The following TTC17 variants were observed in gnomAD, a reference collection of about 807,000 sequenced individuals.
TTC17 encodes tetratricopeptide repeat domain 17.
In TTC17, 58 loss-of-function variants were observed where a neutral mutation model predicts 143.8. The ratio of observed to expected loss-of-function variants is 0.40; its 90% CI spans 0.33 to 0.50. TTC17 has a LOEUF of 0.50. TTC17 is among the 20% of genes least tolerant of loss of function. The pLI is 0.49. For missense variants in TTC17, 1,273 were observed against 1,392.5 expected (o/e 0.91, Z 1.37); for synonymous variants, 501 against 497.8 (o/e 1.01, Z -0.09).
chr11:43,407,070 A>G (rs576055693), intron 13 of TTC17, 68 bp from the exon 14 acceptor site: 12 of 1,097,320 alleles, frequency 1.1e-5, no homozygotes, highest in South Asian at 1.1e-4. Context: ...ACTGCCATCT[A>G]TAGAAATTCT....
intron 2 of TTC17, 75 bp downstream of exon 2, chr11:43,379,397 C>A: frequency 7.4e-7 from 1 of 1,343,696 alleles, no homozygotes; most frequent in Non-Finnish European, 1.0e-6. Context: ...CAAAGAAAAG[C>A]TAAAGCATAT....
intron 21 of TTC17, among the ~76,000 whole-genome samples, chr11:43,459,285 A>G (rs1205567675): frequency 1.3e-5 from 2 of 152,192 alleles, no homozygotes; most frequent in African/African-American, 4.8e-5. Context: ...AATTCCCCCA[A>G]TTCCAGGGGT....
chr11:43,483,921 C>T (rs994662183), intron 21 of TTC17, among the ~76,000 whole-genome samples: 5 of 152,170 alleles, frequency 3.3e-5, no homozygotes, highest in Non-Finnish European at 5.9e-5. Flanking sequence ...GTGGGCAGAT[C>T]ACTTGAAATC....
At chr11:43,378,690 TTC>T (rs1856851844) in intron 1 of TTC17, among the ~76,000 whole-genome samples, 4 of 152,378 alleles carry the variant, frequency 2.6e-5, no homozygotes, top group African/African-American at 7.2e-5. Context: ...TATATGAGTG[TTC>T]ATTTTTTCTA....
At position 43,397,345 on chromosome 11, in the gene TTC17, A is replaced by G; in HGVS notation, c.774-2A>G. The G allele has an allele frequency of 6.2e-7, 1 of 1,606,864 alleles. No individual in the cohort carries two copies. The highest frequency in any genetic ancestry group is 8.5e-7 in the Non-Finnish European group (1 of 1,178,734). ...TCATGGAATATGTGCTGCTTTCCTT[A>G]GGCACAATAAAGACATTGCCCTGGT... On this transcript the variant is annotated splice_acceptor_variant, in intron 6 of 23. Transcript: ENST00000039989. LOFTEE classifies it high-confidence loss of function.
At chr11:43,376,050 A>G (rs946538002) in intron 1 of TTC17, among the ~76,000 whole-genome samples, 1 of 152,228 alleles carries the variant, frequency 6.6e-6, no homozygotes, top group African/African-American at 2.4e-5. Flanking sequence ...GGATACATGT[A>G]CAGGTTGAGT....
chr11:43,427,838 C>T (rs1008373269), intron 16 of TTC17, among the ~76,000 whole-genome samples: 1 of 152,042 alleles, frequency 6.6e-6, no homozygotes, highest in South Asian at 2.1e-4. Context: ...CATTCCATAC[C>T]CTCCCCCCAA....
In TTC17 at chr11:43,490,288, T is replaced by C; in HGVS notation, c.3080T>C (p.Val1027Ala). The C allele has an allele frequency of 2.5e-6, 4 of 1,612,816 alleles. No individual in the cohort carries two copies. The highest frequency in any genetic ancestry group is 1.3e-5 in the African/African-American group (1 of 74,940). Residue 1027 changes from valine (V) to alanine (A), a missense_variant, in exon 22 of 24, where the codon GTG (valine) becomes GCG (alanine). Physicochemically the swap from Val to Ala is moderately conservative, Grantham distance 64 (BLOSUM62 0). This residue lies in a region of TTC17 where 878 missense variants were observed against 899.8 expected (regional missense o/e 0.98). Coordinates refer to ENST00000039989, the MANE Select transcript of TTC17 (RefSeq NM_018259.6). ...LSSMAALYWR[V>A]KGQGKKAIDC... ...AGCATGGCAGCCCTCTACTGGAGGG[T>C]GAAAGGCCAAGGAAAGAAGGCAATC...
chr11:43,472,303 A>C (rs1488602385), intron 21 of TTC17, among the ~76,000 whole-genome samples: 1 of 152,156 alleles, frequency 6.6e-6, no homozygotes, highest in African/African-American at 2.4e-5. Context: ...TGATTGTACC[A>C]TTTCCCTCCA....
intron 6 of TTC17, 177 bp downstream of exon 6, chr11:43,396,995 A>G: frequency 2.1e-6 from 1 of 480,608 alleles, no homozygotes; most frequent in South Asian, 5.1e-5. Context: ...AAAAAGTTCA[A>G]AGTGATAATT....
chr11:43,419,344 A>T (rs1946847442), intron 16 of TTC17, among the ~76,000 whole-genome samples: 1 of 152,246 alleles, frequency 6.6e-6, no homozygotes, highest in African/African-American at 2.4e-5. Flanking sequence ...TCCAATGTGC[A>T]GATGGATTAT....
At chr11:43,450,347 G>T in intron 20 of TTC17, 106 bp downstream of exon 20, 1 of 1,333,300 alleles carries the variant, frequency 7.5e-7, no homozygotes, top group Non-Finnish European at 9.9e-7. Flanking sequence ...AAAAAATAGG[G>T]GCTTTTTTCA....
intron 1 of TTC17, among the ~76,000 whole-genome samples, chr11:43,366,692 G>A (rs375377006): frequency 4.0e-4 from 61 of 152,158 alleles, no homozygotes; most frequent in African/African-American, 1.3e-3. Context: ...TCTTTCTATT[G>A]ACAAGGTTTT....
intron 15 of TTC17, among the ~76,000 whole-genome samples, chr11:43,413,274 A>G (rs1241931376): frequency 6.6e-6 from 1 of 152,198 alleles, no homozygotes; most frequent in African/African-American, 2.4e-5. Flanking sequence ...GAATAATTGG[A>G]TGATATCCTT....
At chr11:43,441,257 C>G (rs1947413745) in intron 16 of TTC17, among the ~76,000 whole-genome samples, 1 of 147,928 alleles carries the variant, frequency 6.8e-6, no homozygotes, top group Non-Finnish European at 1.5e-5. Context: ...GCCTGGGCAA[C>G]AGAACAAGAC....
chr11:43,371,027 G>T (rs1011387495), intron 1 of TTC17, among the ~76,000 whole-genome samples: 3 of 151,436 alleles, frequency 2.0e-5, no homozygotes, highest in Admixed American at 1.3e-4. Flanking sequence ...GGGAGGTGGG[G>T]GGGGGGGTCT....
At chr11:43,390,959 A>G (rs1374414663) in intron 3 of TTC17, among the ~76,000 whole-genome samples, 2 of 152,226 alleles carry the variant, frequency 1.3e-5, no homozygotes, top group Non-Finnish European at 2.9e-5. Flanking sequence ...TGACCTATCT[A>G]CTATTTTCCC....
chr11:43,458,384 T>C (rs1947803316), intron 21 of TTC17, among the ~76,000 whole-genome samples: 1 of 152,114 alleles, frequency 6.6e-6, no homozygotes, highest in Non-Finnish European at 1.5e-5. Flanking sequence ...GGGTCAGGGC[T>C]TCAGAAGGGT....
chr11:43,444,214 A>G lies in TTC17; in HGVS notation c.2665+5A>G. Reference sequence around the variant, plus strand: ...TGGCATCTCCTGGGCCACAAGGTAAATTTGAATGTTTAATATGCCAGTTTC... The same window carrying G: ...TGGCATCTCCTGGGCCACAAGGTAAGTTTGAATGTTTAATATGCCAGTTTC... On this transcript the variant is annotated splice_donor_5th_base_variant and intron_variant, in intron 18 of 23. Coordinates refer to ENST00000039989, the MANE Select transcript of TTC17 (RefSeq NM_018259.6). 6.3e-7 allele frequency: 1 copy of G among 1,593,344 alleles called. No homozygotes were observed.
Sources: gnomAD v4.1 joint callset for allele counts (sites outside exome capture counted in the v4.1 genomes callset) on GRCh38, gnomAD v4.1.1 for gene constraint, gnomAD v4.1.1 regional missense constraint, MANE v1.5 for transcripts, NCBI Gene and HGNC (gene_info 2026-07-23, HGNC 2026-07-21) for gene names.